The following RNF17 variants were observed in gnomAD, a reference collection of about 807,000 sequenced individuals.
The protein encoded by RNF17 is spermatogenesis associated 23.
In RNF17, 31 loss-of-function variants were observed where a neutral mutation model predicts 200.5. The ratio of observed to expected loss-of-function variants is 0.15; its 90% CI spans 0.12 to 0.21. RNF17 has a LOEUF of 0.21. Ranked by LOEUF, RNF17 falls within the 10% of genes least tolerant of loss-of-function variation. The pLI, the probability that RNF17 is intolerant of heterozygous loss-of-function variation, is 1.00. For missense variants in RNF17, 1,628 were observed against 1,905.1 expected (o/e 0.85, Z 2.71); for synonymous variants, 606 against 637.8 (o/e 0.95, Z 0.75).
chr13:24,806,180 C>G (rs1241014819), intron 15 of RNF17, among the ~76,000 whole-genome samples: 7 of 152,074 alleles, frequency 4.6e-5, no homozygotes, highest in Non-Finnish European at 1.0e-4. Flanking sequence ...AATGTCCCTG[C>G]AAAGGATGTG....
chr13:24,845,130 G>A (rs775314601), intron 22 of RNF17, 51 bp downstream of exon 22: 52 of 910,676 alleles, frequency 5.7e-5, no homozygotes, highest in African/African-American at 1.5e-4. Flanking sequence ...TTTTAAATGC[G>A]TTCTCGTCAG....
chr13:24,775,520 G>T lies in RNF17; in HGVS notation c.317+616G>T, dbSNP rs890939491. Among the ~76,000 whole-genome samples the T allele has an allele frequency of 3.3e-5, 5 of 152,280 alleles. No homozygotes were observed. In the East Asian group the frequency reaches 9.6e-4, roughly 29 times the overall value. On this transcript the variant is annotated intron_variant, in intron 3 of 35. Coordinates refer to ENST00000255324, the MANE Select transcript of RNF17 (RefSeq NM_031277.3). ...TCTGCCTCAGCCTCTCAAAGTGCTG[G>T]AATTACAGCCGTGAGCCACTGCACC...
intron 15 of RNF17, among the ~76,000 whole-genome samples, chr13:24,806,342 A>T (rs536717298): frequency 6.6e-6 from 1 of 152,292 alleles, no homozygotes; most frequent in Non-Finnish European, 1.5e-5. Flanking sequence ...AAGTGTCTTT[A>T]TAGTAGAATG....
chr13:24,768,752 T>A (rs2137459978), intron 2 of RNF17, among the ~76,000 whole-genome samples: 2 of 152,002 alleles, frequency 1.3e-5, no homozygotes, highest in East Asian at 3.9e-4. Context: ...ATATAATACC[T>A]GCTTTGTCTT....
intron 15 of RNF17, 74 bp downstream of exon 15, chr13:24,804,503 A>G: frequency 8.7e-7 from 1 of 1,155,994 alleles, no homozygotes; most frequent in South Asian, 1.6e-5. Context: ...AAGAATGAGT[A>G]TCTACCGTCA....
chr13:24,818,920 G>T (rs1444335396), intron 15 of RNF17, among the ~76,000 whole-genome samples: 1 of 151,950 alleles, frequency 6.6e-6, no homozygotes, highest in Non-Finnish European at 1.5e-5. Context: ...TCTGCCATTT[G>T]CTGTTTTCTG....
rs576600875 is a variant in RNF17, at chr13:24,802,659, A to G, written c.1949+88A>G. 7 of 993,206 alleles carry G rather than the reference A, an allele frequency of 7.0e-6. No homozygotes were observed. The South Asian group carries it at 8.6e-5, about 12-fold the overall frequency. 61.5% of individuals were successfully genotyped at this position (993,206 alleles called of 1,614,324 possible). ...TTTTGCCTTTAAAAACCATGTCTGT[A>G]AAGTAAACCTTAACATACCTGAAGA... On this transcript the variant is annotated intron_variant, in intron 14 of 35. Transcript: ENST00000255324.
At position 24,854,246 on chromosome 13, in the gene RNF17, TAGG is replaced by T. The variant is rs1052255510; in HGVS notation, c.3610+107_3610+109del. The T allele has an allele frequency of 7.1e-6, 6 of 848,866 alleles. No individual in the cohort carries two copies. In the African/African-American group the frequency reaches 1.0e-4, roughly 14 times the overall value. 52.6% of individuals were successfully genotyped at this position (848,866 alleles called of 1,614,324 possible). The stretch of plus-strand genomic sequence containing the variant: ...TTGAACGTTATTTTCACAAGGTTGT[TAGG>T]AGGATTAAATGATTTCACACAATGC... On this transcript the variant is annotated intron_variant, in intron 25 of 35. Transcript: ENST00000255324.
intron 15 of RNF17, among the ~76,000 whole-genome samples, chr13:24,809,649 G>A (rs1593307740): frequency 6.6e-6 from 1 of 151,852 alleles, no homozygotes; most frequent in Non-Finnish European, 1.5e-5. Context: ...CTTCAGTTCT[G>A]CTCTGATTTT....
chr13:24,874,149 T>C lies in RNF17; in HGVS notation c.4483T>C (p.Trp1495Arg), dbSNP rs369354009. ...CCTTGCAGAATATGATGATGGCTTA[T>C]GGTATAGAGCGAAGATTGTTGCCAT... Reference protein sequence around the residue: ...PCLAEYDDGLWYRAKIVAIKE... With the variant: ...PCLAEYDDGLRYRAKIVAIKE... Residue 1495 changes from tryptophan (W) to arginine (R), a missense_variant, in exon 33 of 36, where the codon TGG becomes CGG. Around this residue, in one of 5 missense-constraint regions of RNF17, gnomAD observed 609 missense variants for 681.9 expected, o/e 0.89. Transcript: ENST00000255324. The C allele has an allele frequency of 6.8e-6, 11 of 1,611,942 alleles. No homozygotes were observed. Among genetic ancestry groups the C allele is most frequent in the Non-Finnish European group, 8.5e-6 (10 of 1,179,432 alleles).
Position 24,793,603 on chromosome 13 carries a change from A to AT in RNF17, c.1240+263dup, listed in dbSNP as rs1188376967. On this transcript the variant is annotated intron_variant, in intron 10 of 35. Coordinates refer to ENST00000255324, the MANE Select transcript of RNF17 (RefSeq NM_031277.3). ...TCTGGTTTAATTAGGGTATTTTGAG[A>AT]TTTTTTAGTGTTCTCACATATAAGC... is the stretch of plus-strand genomic sequence containing the variant. Among the ~76,000 whole-genome samples the AT allele has an allele frequency of 3.9e-5, 6 of 152,106 alleles. No homozygotes were observed. The East Asian group carries it at 9.6e-4, about 24-fold the overall frequency.
chr13:24,836,024 G>A (rs553580470), intron 18 of RNF17, among the ~76,000 whole-genome samples: 81 of 152,290 alleles, frequency 5.3e-4, no homozygotes, highest in African/African-American at 1.9e-3. Flanking sequence ...GAAAGCCTCA[G>A]CAATGGAATT....
chr13:24,793,400 CAGTT>C (rs947078981), intron 10 of RNF17, 54 bp downstream of exon 10: 16 of 1,460,066 alleles, frequency 1.1e-5, no homozygotes, highest in Non-Finnish European at 1.4e-5. Context: ...TAATTAGACA[CAGTT>C]GGTACCTTTT....
At chr13:24,826,051 A>G (rs1310591458) in intron 16 of RNF17, 1 of 984,642 alleles carries the variant, frequency 1.0e-6, no homozygotes, top group Non-Finnish European at 1.2e-6. Context: ...GGTGAACTCT[A>G]GTTTGATGTT....
At chr13:24,888,134 A>G in the RNF17 span, among the ~76,000 whole-genome samples, 1 of 152,224 alleles carries the variant, frequency 6.6e-6, no homozygotes, top group Non-Finnish European at 1.5e-5. Flanking sequence ...CAAGATGTGA[A>G]TGCAAAAGCG....
At chr13:24,780,797 G>A (rs530194758) in intron 5 of RNF17, among the ~76,000 whole-genome samples, 8 of 152,104 alleles carry the variant, frequency 5.3e-5, no homozygotes, top group South Asian at 2.1e-4. Flanking sequence ...CATGAGAATC[G>A]CTTGAACCCG....
chr13:24,826,195 T>G (rs527289554), intron 16 of RNF17: 4 of 615,334 alleles, frequency 6.5e-6, no homozygotes, highest in Non-Finnish European at 8.1e-6. Context: ...CTGCTAGTTT[T>G]CTCGATATAT....
At chr13:24,886,248 G>C in the RNF17 span, 2 of 1,187,624 alleles carry the variant, frequency 1.7e-6, no homozygotes, top group Non-Finnish European at 2.2e-6. Flanking sequence ...GAAGGGTCTC[G>C]AGCAAGTGCC....
the RNF17 span, among the ~76,000 whole-genome samples, chr13:24,748,285 C>T: frequency 6.6e-6 from 1 of 152,212 alleles, no homozygotes; most frequent in Non-Finnish European, 1.5e-5. Context: ...GAATTAGATA[C>T]ACATCAAAAG....
Sources: gnomAD v4.1 joint callset for allele counts (sites outside exome capture counted in the v4.1 genomes callset) on GRCh38, gnomAD v4.1.1 for gene constraint, gnomAD v4.1.1 regional missense constraint, MANE v1.5 for transcripts, NCBI Gene and HGNC (gene_info 2026-07-23, HGNC 2026-07-21) for gene names.